SLC27A4: variants seen among roughly 807,000 people sequenced by gnomAD.
The protein encoded by SLC27A4 is long-chain fatty acid transport protein 4.
Under a neutral mutation model 64.4 loss-of-function variants are expected in SLC27A4, and 33 were observed. The observed-to-expected ratio is 0.51, with a 90% CI of 0.39 to 0.68. SLC27A4 has a LOEUF of 0.68. Among genes scored for constraint, SLC27A4 ranks in the 30% least tolerant of loss-of-function variants. The pLI is 0.00. For synonymous variants in SLC27A4, 377 were observed against 370.0 expected, an observed-to-expected ratio of 1.02 and a Z score of -0.22; for missense variants, 824 against 883.5, an observed-to-expected ratio of 0.93 and a Z score of 0.85.
chr9:128,352,978 G>A (rs369990868), intron 7 of SLC27A4, 47 bp from the exon 8 acceptor site: 2 of 1,520,436 alleles, frequency 1.3e-6, no homozygotes, highest in African/African-American at 2.7e-5. Flanking sequence ...TCCTAGTGTA[G>A]TGAGGGCAGC....
chr9:128,343,968 C>G (rs1310513487), intron 2 of SLC27A4, among the ~76,000 whole-genome samples: 1 of 152,170 alleles, frequency 6.6e-6, no homozygotes, highest in Non-Finnish European at 1.5e-5. Flanking sequence ...TGTCCCAGCA[C>G]CCAGTTCAGT....
chr9:128,343,001 C>A, intron 1 of SLC27A4, 126 bp from the exon 2 acceptor site: 1 of 1,264,666 alleles, frequency 7.9e-7, no homozygotes, highest in Non-Finnish European at 1.1e-6. Context: ...AGTCACCCAA[C>A]TCAGTATGGC....
intron 2 of SLC27A4, among the ~76,000 whole-genome samples, chr9:128,343,859 C>T (rs1021930543): frequency 6.6e-6 from 1 of 152,204 alleles, no homozygotes; most frequent in Non-Finnish European, 1.5e-5. Context: ...CCCCATCTGC[C>T]AAGCTCAGAT....
At chr9:128,344,198 A>G (rs1238080580) in intron 2 of SLC27A4, among the ~76,000 whole-genome samples, 1 of 152,122 alleles carries the variant, frequency 6.6e-6, no homozygotes, top group African/African-American at 2.4e-5. Context: ...GAATCCAACC[A>G]GAAGGCACAG....
intron 1 of SLC27A4, among the ~76,000 whole-genome samples, chr9:128,341,387 C>T (rs112916742): frequency 8.5e-5 from 13 of 152,340 alleles, no homozygotes; most frequent in Non-Finnish European, 1.9e-4. Context: ...ACCCAAGAGT[C>T]CTAGCTCAAC....
At chr9:128,348,467 C>G in intron 3 of SLC27A4, 78 bp from the exon 4 acceptor site, 1 of 1,571,900 alleles carries the variant, frequency 6.4e-7, no homozygotes, top group Non-Finnish European at 8.7e-7. Flanking sequence ...AGCAACATGG[C>G]CAGCCCTGCT....
chr9:128,343,643 CCTGCCCT>C (rs1832611667), intron 2 of SLC27A4, among the ~76,000 whole-genome samples: 1 of 152,114 alleles, frequency 6.6e-6, no homozygotes, highest in Non-Finnish European at 1.5e-5. Context: ...GGGGAAAGGC[CCTGCCCT>C]CAGGTTGGCA....
At chr9:128,355,309 A>T in intron 10 of SLC27A4, 89 bp from the exon 11 acceptor site, 1 of 1,603,532 alleles carries the variant, frequency 6.2e-7, no homozygotes. Context: ...GGTCAAACAA[A>T]TCCTTGGGCT....
rs1832714771 is a variant in SLC27A4 at position 128,350,382 on chromosome 9, G to T, written c.785+1G>T. 1 of 1,613,480 alleles carries T rather than the reference G, an allele frequency of 6.2e-7. No homozygotes were observed. The highest frequency in any genetic ancestry group is 1.3e-5 in the African/African-American group (1 of 74,944). ...AGGCCGCCATCGTGGTGCACAGCAG[G>T]TAAGGGGCAGGTGCCCAGGGTGGGG... On this transcript the variant is annotated splice_donor_variant, in intron 5 of 12. Coordinates refer to ENST00000300456, the MANE Select transcript of SLC27A4 (RefSeq NM_005094.4). LOFTEE classifies it high-confidence loss of function.
Position 128,346,464 on chromosome 9 carries a change from G to T in SLC27A4, c.556+915G>T, listed in dbSNP as rs1832658689. On this transcript the variant is annotated intron_variant, in intron 3 of 12. Transcript: ENST00000300456. ...TTGGTCAGGCTGGTCTCCAATCCCT[G>T]ACCTCGTGATCCACCCGCCTCGGCC... Among the ~76,000 whole-genome samples, 3 of 151,190 alleles carry T rather than the reference G, an allele frequency of 2.0e-5. No individual in the cohort carries two copies. The South Asian group carries it at 6.3e-4, about 32-fold the overall frequency.
intron 1 of SLC27A4, among the ~76,000 whole-genome samples, 170 bp downstream of exon 1, chr9:128,341,008 G>A (rs1404291711): frequency 6.6e-6 from 1 of 152,252 alleles, no homozygotes; most frequent in Non-Finnish European, 1.5e-5. Flanking sequence ...CGTGACCCGG[G>A]ACAGGGGCCC....
intron 10 of SLC27A4, 86 bp downstream of exon 10, chr9:128,355,276 ACTCCCCCAGTC>A (rs1180710243): frequency 6.9e-6 from 11 of 1,598,056 alleles, no homozygotes; most frequent in Non-Finnish European, 9.4e-6. Context: ...CCTTCCCAGG[ACTCCCCCAGTC>A]CTGGCCCTTG....
intron 12 of SLC27A4, among the ~76,000 whole-genome samples, chr9:128,356,046 G>A (rs572214679): frequency 1.3e-5 from 2 of 151,910 alleles, no homozygotes; most frequent in Admixed American, 1.3e-4. Flanking sequence ...TGGATGTTTT[G>A]CCTTCTTGGA....
Position 128,345,178 on chromosome 9 carries a change from T to G in SLC27A4, c.185T>G (p.Val62Gly). 1 of 1,613,200 alleles carries G rather than the reference T, an allele frequency of 6.2e-7. No individual in the cohort carries two copies. ...AGTGGCGGCCTGGTCCTCCTGAAGGTGAAGGCAAAGGTGCGACAGTGCCTG... is the reference window on the plus strand; with the variant it reads ...AGTGGCGGCCTGGTCCTCCTGAAGGGGAAGGCAAAGGTGCGACAGTGCCTG... ...DIFGGLVLLK[V>G]KAKVRQCLQE... The change falls in exon 3 of 13, where the codon GTG (valine) becomes GGG (glycine). Residue 62 changes from valine to glycine, a missense_variant. Transcript: ENST00000300456. This position sits in a 1 kb window ranked among gnomAD's most constrained non-coding sequence, Gnocchi z 4.1.
In SLC27A4 at chr9:128,356,966, C is replaced by T. The variant is rs368513762; in HGVS notation, c.1774+1170C>T. On this transcript the variant is annotated intron_variant, in intron 12 of 12. Transcript: ENST00000300456. Reference sequence around the variant, plus strand: ...AAAATTAGCCAGGTATGGTGGTGGGCGCCTGTAGTCCCAGCTACTTGGGAG... The same window carrying T: ...AAAATTAGCCAGGTATGGTGGTGGGTGCCTGTAGTCCCAGCTACTTGGGAG... Among the ~76,000 whole-genome samples the T allele has an allele frequency of 8.0e-4, 122 of 151,968 alleles. 1 individual carries two copies. In the East Asian group the frequency reaches 0.018, roughly 23 times the overall value.
rs754247802 is a variant in SLC27A4 at position 128,355,635 on chromosome 9, C to T, written c.1628-15C>T. 1 of 1,608,904 alleles carries T rather than the reference C, an allele frequency of 6.2e-7. No individual in the cohort carries two copies. The highest frequency in any genetic ancestry group is 1.7e-5 in the Admixed American group (1 of 60,026). Reference sequence around the variant, plus strand: ...GGCACCACCAGCTACTCAGTGTCTACCCTGCCACCCCCAGGAACCGAGGGC... The same window carrying T: ...GGCACCACCAGCTACTCAGTGTCTATCCTGCCACCCCCAGGAACCGAGGGC... On this transcript the variant is annotated splice_polypyrimidine_tract_variant and intron_variant, in intron 11 of 12. Transcript: ENST00000300456.
rs1564401878 is a variant in SLC27A4, at chr9:128,352,680, CGGT to C, written c.925_927del (p.Val309del). 1.2e-6 allele frequency: 2 copies of C among 1,614,146 alleles called. No homozygotes were observed. Among genetic ancestry groups the C allele is most frequent in the Admixed American group, 1.7e-5 (1 of 60,020 alleles). On this transcript the variant is annotated inframe_deletion, in exon 7 of 13. Coordinates refer to ENST00000300456, the MANE Select transcript of SLC27A4 (RefSeq NM_005094.4). ...GGCCAGTGCCTGCTGCATGGCATGA[CGGT>C]GGTGATTCGGAAGAAGTTCTCAGCC... is the stretch of plus-strand genomic sequence containing the variant.
chr9:128,355,640 C>G lies in SLC27A4; in HGVS notation c.1628-10C>G. ...CACCAGCTACTCAGTGTCTACCCTG[C>G]CACCCCCAGGAACCGAGGGCCGGGC... is the stretch of plus-strand genomic sequence containing the variant. On this transcript the variant is annotated splice_polypyrimidine_tract_variant and intron_variant, in intron 11 of 12. Transcript: ENST00000300456. 1 of 1,609,270 alleles carries G rather than the reference C, an allele frequency of 6.2e-7. No individual in the cohort carries two copies. The highest frequency in any genetic ancestry group is 8.5e-7 in the Non-Finnish European group (1 of 1,179,996).
In SLC27A4 at chr9:128,355,186, T is replaced by C; in HGVS notation, c.1458T>C (p.Leu486=). Residue 486 remains leucine (L), a synonymous_variant, in exon 10 of 13, where the codon CTT becomes CTC. Coordinates refer to ENST00000300456, the MANE Select transcript of SLC27A4 (RefSeq NM_005094.4). ...TCAAGAAGGGGGACCAGGCCTACCT[T>C]ACTGGTGGGTCCCCAGCCCTTCACA... The part of the protein sequence containing the change: ...DVFKKGDQAY[L]TGDVLVMDEL... The C allele has an allele frequency of 6.2e-7, 1 of 1,613,542 alleles. No homozygotes were observed. The highest frequency in any genetic ancestry group is 8.5e-7 in the Non-Finnish European group (1 of 1,179,810).
Sources: gnomAD v4.1 joint callset for allele counts (sites outside exome capture counted in the v4.1 genomes callset) on GRCh38, gnomAD v4.1.1 for gene constraint, Gnocchi (gnomAD v3.1) non-coding constraint, MANE v1.5 for transcripts, NCBI Gene and HGNC (gene_info 2026-07-23, HGNC 2026-07-21) for gene names.